Variants in PLCL1 observed in about 807,000 individuals in gnomAD.
PLCL1 encodes inactive phospholipase C-like protein 1.
Under a neutral mutation model 84.4 loss-of-function variants are expected in PLCL1, and 41 were observed. The ratio of observed to expected loss-of-function variants is 0.49; its 90% CI spans 0.38 to 0.63. The LOEUF is 0.63. PLCL1 is among the 30% of genes least tolerant of loss of function. PLCL1 has a pLI of 0.00. For synonymous variants in PLCL1, 490 were observed against 488.3 expected, an observed-to-expected ratio of 1.00 and a Z score of -0.05; for missense variants, 1,206 against 1,367.8, an observed-to-expected ratio of 0.88 and a Z score of 1.87.
intron 3 of PLCL1, among the ~76,000 whole-genome samples, chr2:198,099,926 A>G (rs530352679): frequency 6.6e-6 from 1 of 152,278 alleles, no homozygotes; most frequent in South Asian, 2.1e-4. Flanking sequence ...TAAAAGCTTT[A>G]TGCTTATTTT....
intron 1 of PLCL1, among the ~76,000 whole-genome samples, chr2:197,895,527 G>T (rs909597956): frequency 1.1e-4 from 16 of 152,028 alleles, no homozygotes; most frequent in Middle Eastern, 3.4e-3. Context: ...TTATAAAGCA[G>T]GTTGTAAAAT....
intron 1 of PLCL1, among the ~76,000 whole-genome samples, chr2:198,057,168 C>T (rs1692089175): frequency 6.6e-6 from 1 of 152,088 alleles, no homozygotes; most frequent in Non-Finnish European, 1.5e-5. Context: ...AGTCAATACT[C>T]TGTGGTTCTA....
intron 1 of PLCL1, among the ~76,000 whole-genome samples, chr2:197,883,342 A>G (rs1041821660): frequency 4.6e-5 from 7 of 152,294 alleles, no homozygotes; most frequent in South Asian, 4.1e-4. Context: ...TGGGAGATAG[A>G]CCTGGTAGAC....
In PLCL1 at chr2:198,083,321, G is replaced by C. The variant is rs142208783; in HGVS notation, c.241-437G>C. Among the ~76,000 whole-genome samples, 704 of 152,182 alleles carry C rather than the reference G, an allele frequency of 4.6e-3. 3 individuals are homozygous for C. The highest frequency in any genetic ancestry group is 7.1e-3 in the Non-Finnish European group (482 of 68,008). ...CACTTTGTGATACAAAGTATGTTAA[G>C]GTAAAACCTTTTATTTAAATCAACT... is the stretch of plus-strand genomic sequence containing the variant. On this transcript the variant is annotated intron_variant, in intron 1 of 5. Coordinates refer to ENST00000428675, the MANE Select transcript of PLCL1 (RefSeq NM_006226.4).
At chr2:197,947,662 G>A (rs1205651684) in intron 1 of PLCL1, among the ~76,000 whole-genome samples, 2 of 152,146 alleles carry the variant, frequency 1.3e-5, no homozygotes, top group Non-Finnish European at 2.9e-5. Context: ...TGGAGACAGT[G>A]GCAGCAGATA....
intron 1 of PLCL1, among the ~76,000 whole-genome samples, chr2:197,874,994 C>T (rs1329795987): frequency 1.3e-5 from 2 of 152,056 alleles, no homozygotes; most frequent in Non-Finnish European, 2.9e-5. Flanking sequence ...CAAAATAATA[C>T]ATATACTCAG....
chr2:197,865,991 C>G (rs2105699023), intron 1 of PLCL1, among the ~76,000 whole-genome samples: 1 of 97,864 alleles, frequency 1.0e-5, no homozygotes, highest in Admixed American at 1.4e-4. Flanking sequence ...GCCTGGATAA[C>G]AGAGTGAGAA....
intron 1 of PLCL1, among the ~76,000 whole-genome samples, chr2:197,943,627 C>CTTTTTTTTTTTTTTTTTTTTTTT (rs5837573): frequency 1.7e-5 from 2 of 119,208 alleles, no homozygotes; most frequent in Non-Finnish European, 3.4e-5. Flanking sequence ...TTGGTTACAT[C>CTTTTTTTTTTTTTTTTTTTTTTT]TTTTTTTTTT....
intron 1 of PLCL1, among the ~76,000 whole-genome samples, chr2:197,937,874 G>A (rs1689081170): frequency 6.6e-6 from 1 of 152,152 alleles, no homozygotes; most frequent in Non-Finnish European, 1.5e-5. Context: ...TCCATGTACA[G>A]GAATGAATGA....
intron 1 of PLCL1, among the ~76,000 whole-genome samples, chr2:198,016,564 C>T (rs1691004548): frequency 6.6e-6 from 1 of 152,124 alleles, no homozygotes; most frequent in Non-Finnish European, 1.5e-5. Context: ...GAGACTTGAG[C>T]AAATTATTTA....
At chr2:197,897,102 CTTCTTCTTCTTCTT>C (rs1559038424) in intron 1 of PLCL1, among the ~76,000 whole-genome samples, 1 of 37,532 alleles carries the variant, frequency 2.7e-5, no homozygotes, top group African/African-American at 1.5e-4. Context: ...ATGACTCCTT[CTTCTTCTTCTTCTT>C]CTTCTTCTTC....
At chr2:197,894,709 A>C (rs974156582) in intron 1 of PLCL1, among the ~76,000 whole-genome samples, 3 of 152,024 alleles carry the variant, frequency 2.0e-5, no homozygotes, top group African/African-American at 7.2e-5. Context: ...ATGAAGAAGC[A>C]AAAACCTATT....
intron 1 of PLCL1, among the ~76,000 whole-genome samples, chr2:197,910,016 G>A (rs912656337): frequency 2.0e-5 from 3 of 152,164 alleles, no homozygotes; most frequent in African/African-American, 4.8e-5. Flanking sequence ...AAAGTGTGGC[G>A]CTTTGGTCAA....
rs113792419 is a variant in PLCL1 at position 197,927,242 on chromosome 2, T to C, written c.240+121903T>C. On this transcript the variant is annotated intron_variant, in intron 1 of 5. Transcript: ENST00000428675. ...GGTGTTAAAGAATAGCAAACTTAAA[T>C]GTTCTTTGTGATGTAATCAGAGGGA... 5.3e-5 allele frequency among the ~76,000 whole-genome samples: 8 copies of C among 152,326 alleles called. 1 individual carries two copies. Among genetic ancestry groups the C allele is most frequent in the African/African-American group, 1.9e-4 (8 of 41,580 alleles).
rs190901093 is a variant in PLCL1 at position 198,146,857 on chromosome 2, C to T, written c.3183C>T (p.Ser1061=). 85 of 1,613,622 alleles carry T rather than the reference C, an allele frequency of 5.3e-5. No individual in the cohort carries two copies. In the African/African-American group the frequency reaches 9.7e-4, roughly 18 times the overall value. The part of the protein sequence containing the change: ...NMKQIQLACL[S]CGLSKAPSSS... ...AGCAGATCCAGCTGGCATGCCTGTC[C>T]TGTGGACTGAGTAAAGCCCCCAGCA... The change falls in exon 6 of 6, where the codon TCC becomes TCT. Residue 1061 remains serine, a synonymous_variant. Coordinates refer to ENST00000428675, the MANE Select transcript of PLCL1 (RefSeq NM_006226.4).
At chr2:198,020,364 C>T (rs896014007) in intron 1 of PLCL1, among the ~76,000 whole-genome samples, 4 of 152,092 alleles carry the variant, frequency 2.6e-5, no homozygotes, top group African/African-American at 9.7e-5. Flanking sequence ...ATTATAATGA[C>T]AGGATCAAGT....
intron 1 of PLCL1, among the ~76,000 whole-genome samples, chr2:197,839,968 C>T (rs1686957253): frequency 6.6e-6 from 1 of 152,194 alleles, no homozygotes; most frequent in African/African-American, 2.4e-5. Flanking sequence ...TAAGCAGTAA[C>T]TCTGGCTCAA....
chr2:197,994,193 A>C (rs10177758), intron 1 of PLCL1, among the ~76,000 whole-genome samples: 1 of 151,926 alleles, frequency 6.6e-6, no homozygotes, highest in Non-Finnish European at 1.5e-5. Context: ...ACTTTCTCCA[A>C]ATAGTCTTCT....
At position 197,805,075 on chromosome 2, in the gene PLCL1, C is replaced by T; in HGVS notation, c.-25C>T. The T allele has an allele frequency of 4.2e-6, 6 of 1,422,872 alleles. No homozygotes were observed. In the South Asian group the frequency reaches 5.7e-5, roughly 14 times the overall value. 88.1% of individuals were successfully genotyped at this position (1,422,872 alleles called of 1,614,324 possible). A position where few individuals can be genotyped will look rare whatever the true frequency, so the allele number is the denominator to read the frequency against. On this transcript the variant is annotated 5_prime_UTR_variant, in exon 1 of 6. Coordinates refer to ENST00000428675, the MANE Select transcript of PLCL1 (RefSeq NM_006226.4). The surrounding 1 kb of genome is among the most constrained non-coding windows in gnomAD (Gnocchi z 4.0). ...CGCTGCCGGGCGTCCCGCTTTCCCC[C>T]GGGGAGCCCTAAACGCTCCAGGCCA...
Sources: allele counts gnomAD v4.1 joint callset (sites outside exome capture counted in the v4.1 genomes callset), GRCh38; gene constraint gnomAD v4.1.1; non-coding constraint Gnocchi (gnomAD v3.1); transcripts MANE v1.5; gene names NCBI Gene and HGNC (gene_info 2026-07-23, HGNC 2026-07-21).